CTNNA3: variants seen among roughly 807,000 people sequenced by gnomAD.
CTNNA3 encodes catenin alpha-3.
CTNNA3 carries 76 observed loss-of-function variants against 95.7 expected under a neutral mutation model. The ratio of observed to expected loss-of-function variants is 0.79; its 90% CI spans 0.66 to 0.96. The LOEUF (loss-of-function observed/expected upper bound fraction) is 0.96. CTNNA3 is among the 40% of genes least tolerant of loss of function. The pLI is 0.00. For missense variants in CTNNA3, 1,191 were observed against 1,089.8 expected, an observed-to-expected ratio of 1.09 and a Z score of -1.31; for synonymous variants, 431 against 374.4, an observed-to-expected ratio of 1.15 and a Z score of -1.74.
At position 66,847,894 on chromosome 10, in the gene CTNNA3, A is replaced by C. The variant is rs1230192722; in HGVS notation, c.1048-72370T>G. Among the ~76,000 whole-genome samples the C allele has an allele frequency of 2.0e-5, 3 of 152,204 alleles. No homozygotes were observed. In the South Asian group the frequency reaches 6.2e-4, roughly 31 times the overall value. On this transcript the variant is annotated intron_variant, in intron 7 of 17. Coordinates refer to ENST00000433211, the MANE Select transcript of CTNNA3 (RefSeq NM_013266.4). ...TTAATAGATAATGTAATTTATTGAAAACTGAGATAGCTGAGAATAAATGTC... is the reference window on the plus strand; with the variant it reads ...TTAATAGATAATGTAATTTATTGAACACTGAGATAGCTGAGAATAAATGTC...
At chr10:66,464,569 C>G (rs1353220156) in intron 11 of CTNNA3, among the ~76,000 whole-genome samples, 2 of 151,942 alleles carry the variant, frequency 1.3e-5, no homozygotes, top group Admixed American at 1.3e-4. Context: ...TCGAGACCAG[C>G]CTGGCCAACA....
intron 14 of CTNNA3, among the ~76,000 whole-genome samples, chr10:66,072,966 C>T (rs1425456402): frequency 1.3e-5 from 2 of 152,118 alleles, no homozygotes; most frequent in South Asian, 2.1e-4. Context: ...GAATGAAATC[C>T]TGTCATTTGT....
intron 14 of CTNNA3, among the ~76,000 whole-genome samples, chr10:66,074,107 T>A (rs2080497823): frequency 6.6e-6 from 1 of 151,974 alleles, no homozygotes; most frequent in South Asian, 2.1e-4. Context: ...GCACATGAAT[T>A]CTTGTGTCTG....
chr10:66,545,467 G>C (rs1470308207), intron 10 of CTNNA3, among the ~76,000 whole-genome samples: 9 of 151,784 alleles, frequency 5.9e-5, no homozygotes, highest in Non-Finnish European at 1.3e-4. Context: ...CAAACATTTG[G>C]ATTGCTTCTA....
intron 11 of CTNNA3, among the ~76,000 whole-genome samples, chr10:66,432,874 C>A (rs935241577): frequency 6.6e-6 from 1 of 152,034 alleles, no homozygotes; most frequent in Non-Finnish European, 1.5e-5. Context: ...GTTCAATTCC[C>A]ATTTATTAGT....
At chr10:67,594,486 T>C (rs971158627) in intron 3 of CTNNA3, among the ~76,000 whole-genome samples, 6 of 152,088 alleles carry the variant, frequency 3.9e-5, no homozygotes, top group Admixed American at 3.9e-4. Flanking sequence ...TCTTGGGAGC[T>C]TGTATGTTTC....
At chr10:66,016,165 A>G (rs1037122991) in intron 15 of CTNNA3, among the ~76,000 whole-genome samples, 3 of 150,642 alleles carry the variant, frequency 2.0e-5, no homozygotes, top group Non-Finnish European at 4.5e-5. Flanking sequence ...TAAGGACACA[A>G]AGAGATAATA....
At chr10:67,221,547 A>G (rs2132270032) in intron 5 of CTNNA3, among the ~76,000 whole-genome samples, 1 of 152,224 alleles carries the variant, frequency 6.6e-6, no homozygotes, top group African/African-American at 2.4e-5. Context: ...AAACTATGTG[A>G]CATTATTTCC....
Position 66,382,453 on chromosome 10 carries a change from G to A in CTNNA3, c.1532-3101C>T, listed in dbSNP as rs558897024. Among the ~76,000 whole-genome samples, 30 of 152,176 alleles carry A rather than the reference G, an allele frequency of 2.0e-4. No individual in the cohort carries two copies. In the South Asian group the frequency reaches 2.9e-3, roughly 15 times the overall value. The stretch of plus-strand genomic sequence containing the variant: ...AAGCTCGAACTAGGTGGAGCCCACC[G>A]AGCTCAACAAGGCCTACTGCCTCTA... On this transcript the variant is annotated intron_variant, in intron 11 of 17. Coordinates refer to ENST00000433211, the MANE Select transcript of CTNNA3 (RefSeq NM_013266.4).
intron 7 of CTNNA3, among the ~76,000 whole-genome samples, chr10:66,925,420 T>G (rs567470558): frequency 6.6e-6 from 1 of 152,294 alleles, no homozygotes; most frequent in African/African-American, 2.4e-5. Flanking sequence ...AAATGGTTTA[T>G]TTCCCTTCTA....
rs146612093 is a variant in CTNNA3, at chr10:67,321,493, G to T, written c.580-101623C>A. ...GTGCCATCCTAGACCAATGGGACGG[G>T]TCTCAACAGGCAGATCAGCGGCACC... is the stretch of plus-strand genomic sequence containing the variant. On this transcript the variant is annotated intron_variant, in intron 5 of 17. Coordinates refer to ENST00000433211, the MANE Select transcript of CTNNA3 (RefSeq NM_013266.4). Among the ~76,000 whole-genome samples, 125 of 152,200 alleles carry T rather than the reference G, an allele frequency of 8.2e-4. 1 individual carries two copies. The highest frequency in any genetic ancestry group is 2.9e-3 in the African/African-American group (120 of 41,518).
intron 15 of CTNNA3, among the ~76,000 whole-genome samples, chr10:65,998,019 A>G (rs1253437115): frequency 2.0e-5 from 3 of 152,240 alleles, no homozygotes; most frequent in Non-Finnish European, 2.9e-5. Flanking sequence ...TGTCTCAAAA[A>G]AAACAAAAAA....
At chr10:66,169,212 T>G (rs1028407415) in intron 13 of CTNNA3, among the ~76,000 whole-genome samples, 6 of 152,116 alleles carry the variant, frequency 3.9e-5, no homozygotes, top group African/African-American at 1.4e-4. Context: ...CAAAGTCTAT[T>G]GTATCATTCT....
chr10:66,722,370 C>T (rs919861647), intron 9 of CTNNA3, among the ~76,000 whole-genome samples: 1 of 112,002 alleles, frequency 8.9e-6, no homozygotes, highest in Admixed American at 1.1e-4. Context: ...AGAGCGAGAC[C>T]CTGTCTCAAA....
chr10:67,065,664 C>T (rs995495488), intron 7 of CTNNA3, among the ~76,000 whole-genome samples: 3 of 152,044 alleles, frequency 2.0e-5, no homozygotes, highest in African/African-American at 7.2e-5. Context: ...GTCCTCCATG[C>T]CCTTTCCCCA....
intron 7 of CTNNA3, among the ~76,000 whole-genome samples, chr10:66,796,041 G>C (rs1000858166): frequency 6.6e-6 from 1 of 152,114 alleles, no homozygotes; most frequent in Non-Finnish European, 1.5e-5. Flanking sequence ...CCTCATATCA[G>C]CAATAAGGTT....
At chr10:67,753,401 C>T (rs1056109797) in intron 1 of CTNNA3, among the ~76,000 whole-genome samples, 1 of 152,022 alleles carries the variant, frequency 6.6e-6, no homozygotes, top group African/African-American at 2.4e-5. Flanking sequence ...CCATTCAGGA[C>T]ATAAACAAAG....
intron 5 of CTNNA3, among the ~76,000 whole-genome samples, chr10:67,259,498 G>A (rs896408211): frequency 6.6e-6 from 1 of 152,110 alleles, no homozygotes; most frequent in Non-Finnish European, 1.5e-5. Context: ...CAAGACCTGA[G>A]CTAATCATTT....
chr10:66,611,499 G>T (rs1844329047), intron 10 of CTNNA3, among the ~76,000 whole-genome samples: 1 of 152,108 alleles, frequency 6.6e-6, no homozygotes, highest in Non-Finnish European at 1.5e-5. Context: ...AGTCTGCAAG[G>T]TGGAGCTTCC....
Sources: gnomAD v4.1 joint callset for allele counts (sites outside exome capture counted in the v4.1 genomes callset) on GRCh38, gnomAD v4.1.1 for gene constraint, MANE v1.5 for transcripts, NCBI Gene and HGNC (gene_info 2026-07-23, HGNC 2026-07-21) for gene names.